The following TEN1 variants were observed in gnomAD, a reference collection of about 807,000 sequenced individuals.
TEN1 encodes TEN1 subunit of CST complex.
TEN1 carries 6 observed loss-of-function variants against 9.3 expected under a neutral mutation model. The observed-to-expected ratio is 0.65, with a 90% confidence interval of 0.35 to 1.27. The LOEUF (loss-of-function observed/expected upper bound fraction) is 1.27. Among genes scored for constraint, TEN1 ranks in the 50% most tolerant of loss-of-function variants. The probability of loss-of-function intolerance (pLI) is 0.03; values close to 1 mark genes in which losing one functional copy is unlikely to be tolerated. For synonymous variants in TEN1, 65 were observed against 65.6 expected (o/e 0.99, Z 0.04); for missense variants, 149 against 158.2 (o/e 0.94, Z 0.31).
At chr17:75,984,889 CAG>C (rs978021794) in intron 1 of TEN1, 1 of 152,236 alleles carries the variant, frequency 6.6e-6, no homozygotes, top group Non-Finnish European at 1.5e-5. Context: ...TGCTGACAAA[CAG>C]AACAGTTCTT....
At chr17:75,981,899 T>C (rs2066123209) in intron 1 of TEN1, among the ~76,000 whole-genome samples, 2 of 152,242 alleles carry the variant, frequency 1.3e-5, no homozygotes, top group Middle Eastern at 3.4e-3. Context: ...AGGTGCCATG[T>C]GCCTGTAGTC....
chr17:75,990,870 T>A (rs1483040062), intron 2 of TEN1, among the ~76,000 whole-genome samples: 2 of 148,360 alleles, frequency 1.3e-5, no homozygotes, highest in South Asian at 2.1e-4. Context: ...AAAAAAATGA[T>A]CAGGTGTGGT....
intron 1 of TEN1, 160 bp from the exon 2 acceptor site, chr17:75,986,027 T>G: frequency 1.9e-6 from 1 of 520,908 alleles, no homozygotes; most frequent in Non-Finnish European, 3.4e-6. Flanking sequence ...CTCCTAATGC[T>G]ATCCCTCCCC....
At chr17:75,987,610 A>C (rs2066159446) in intron 2 of TEN1, among the ~76,000 whole-genome samples, 1 of 152,152 alleles carries the variant, frequency 6.6e-6, no homozygotes, top group East Asian at 1.9e-4. Context: ...ACACGTGTAC[A>C]TACATATAGA....
chr17:75,995,044 A>G (rs919599302), intron 3 of TEN1, among the ~76,000 whole-genome samples: 1 of 152,132 alleles, frequency 6.6e-6, no homozygotes, highest in African/African-American at 2.4e-5. Context: ...CAACATAGTG[A>G]GACCCCATCT....
In TEN1 at chr17:76,000,177, G is replaced by T. The variant is rs1286634889; in HGVS notation, c.287G>T (p.Cys96Phe). The T allele has an allele frequency of 6.4e-7, 1 of 1,551,568 alleles. No homozygotes were observed. The highest frequency in any genetic ancestry group is 1.2e-5 in the South Asian group (1 of 84,064). ...GTGGTGAAGGCGCGCGTGCTGACCT[G>T]TGTGGAGGGGATGAACCTGCCCTTG... is the stretch of plus-strand genomic sequence containing the variant. ...GSVVKARVLTCVEGMNLPLLE... is the reference protein window; with the variant it reads ...GSVVKARVLTFVEGMNLPLLE... Residue 96 changes from cysteine (C) to phenylalanine (F), a missense_variant, in exon 4 of 4, where the codon TGT becomes TTT. Physicochemically the swap from Cys to Phe is radical, Grantham distance 205 (BLOSUM62 -2). Transcript: ENST00000397640. This position sits in a 1 kb window ranked among gnomAD's most constrained non-coding sequence, Gnocchi z 5.9.
chr17:75,981,426 A>G (rs939526877), intron 1 of TEN1, among the ~76,000 whole-genome samples: 3 of 151,942 alleles, frequency 2.0e-5, no homozygotes, highest in Non-Finnish European at 4.4e-5. Flanking sequence ...GCCTCATGTG[A>G]TCCGCTCGCC....
chr17:75,986,415 T>A, intron 2 of TEN1, 131 bp downstream of exon 2: 19 of 879,808 alleles, frequency 2.2e-5, no homozygotes, highest in Non-Finnish European at 2.6e-5. Flanking sequence ...AAAAAAAAAA[T>A]TAGTTGCCGG....
At chr17:75,986,928 A>G (rs1385551661) in intron 2 of TEN1, among the ~76,000 whole-genome samples, 1 of 152,080 alleles carries the variant, frequency 6.6e-6, no homozygotes, top group Admixed American at 6.6e-5. Flanking sequence ...ACGTATATAC[A>G]TATATACTCT....
intron 3 of TEN1, among the ~76,000 whole-genome samples, chr17:75,996,208 G>A (rs1309395638): frequency 1.3e-5 from 2 of 152,080 alleles, no homozygotes; most frequent in African/African-American, 4.8e-5. Context: ...CTGGACGGCC[G>A]GGTGTGGTGG....
At position 75,993,260 on chromosome 17, in the gene TEN1, C is replaced by G. The variant is rs532772184; in HGVS notation, c.250+1637C>G. Among the ~76,000 whole-genome samples, 22 of 151,950 alleles carry G rather than the reference C, an allele frequency of 1.4e-4. 1 individual carries two copies. The highest frequency in any genetic ancestry group is 4.2e-4 in the South Asian group (2 of 4,806). On this transcript the variant is annotated intron_variant, in intron 3 of 3. Coordinates refer to ENST00000397640, the MANE Select transcript of TEN1 (RefSeq NM_001113324.3). Reference sequence around the variant, plus strand: ...CTGGGACTACAGGCATGCGCCACCACGCCTGGCTAATTTTTGTATTTTTAG... The same window carrying G: ...CTGGGACTACAGGCATGCGCCACCAGGCCTGGCTAATTTTTGTATTTTTAG...
At position 75,989,943 on chromosome 17, in the gene TEN1, C is replaced by T. The variant is rs563626516; in HGVS notation, c.93-1523C>T. Among the ~76,000 whole-genome samples the T allele has an allele frequency of 2.0e-5, 3 of 151,122 alleles. No homozygotes were observed. In the South Asian group the frequency reaches 6.3e-4, roughly 32 times the overall value. ...AAAAAAAATTATAGAGACGGCATCT[C>T]GCTGTATTGCCCAGGCTGGTCTCTA... is the stretch of plus-strand genomic sequence containing the variant. On this transcript the variant is annotated intron_variant, in intron 2 of 3. Transcript: ENST00000397640.
chr17:75,979,844 G>A lies in TEN1; in HGVS notation c.-7+333G>A, dbSNP rs529448896. Among the ~76,000 whole-genome samples the A allele has an allele frequency of 9.9e-5, 15 of 151,664 alleles. No homozygotes were observed. In the South Asian group the frequency reaches 3.2e-3, roughly 32 times the overall value. The stretch of plus-strand genomic sequence containing the variant: ...AGAGGCGTGGGTTCCGGGGCCCTGG[G>A]TGTGGGATTGTGAGCGCTGTTCAAG... On this transcript the variant is annotated intron_variant, in intron 1 of 3. Transcript: ENST00000397640.
At chr17:75,988,892 T>C (rs1466543595) in intron 2 of TEN1, among the ~76,000 whole-genome samples, 1 of 151,846 alleles carries the variant, frequency 6.6e-6, no homozygotes, top group Non-Finnish European at 1.5e-5. Flanking sequence ...TGCCTCAGCC[T>C]CCCGAGTAGC....
rs2066244448 is a variant in TEN1 at position 76,000,045 on chromosome 17, G to C, written c.251-96G>C. 2 of 1,490,464 alleles carry C rather than the reference G, an allele frequency of 1.3e-6. No homozygotes were observed. The highest frequency in any genetic ancestry group is 5.0e-5 in the East Asian group (2 of 40,114). 92.3% of individuals were successfully genotyped at this position (1,490,464 alleles called of 1,614,324 possible). A position where few individuals can be genotyped will look rare whatever the true frequency, so the allele number is the denominator to read the frequency against. ...CCACATCACTTGCTGCCAAAACCCA[G>C]GACTGAGCTGTGGAGGGAACAGCTG... On this transcript the variant is annotated intron_variant, in intron 3 of 3. Transcript: ENST00000397640. This position sits in a 1 kb window ranked among gnomAD's most constrained non-coding sequence, Gnocchi z 5.9.
At chr17:75,988,590 AAAG>A (rs905524075) in intron 2 of TEN1, among the ~76,000 whole-genome samples, 51 of 151,286 alleles carry the variant, frequency 3.4e-4, no homozygotes, top group Non-Finnish European at 5.8e-4. Context: ...AAAAAAAAGA[AAAG>A]AAGAAGAAAG....
chr17:75,986,454 C>T (rs989226518), intron 2 of TEN1, among the ~76,000 whole-genome samples, 170 bp downstream of exon 2: 13 of 151,956 alleles, frequency 8.6e-5, no homozygotes, highest in African/African-American at 3.1e-4. Context: ...GTAATCGCAG[C>T]ACTTTGGGAG....
chr17:75,996,720 A>AG (rs1193586802), intron 3 of TEN1, among the ~76,000 whole-genome samples: 20 of 124,602 alleles, frequency 1.6e-4, no homozygotes, highest in African/African-American at 3.5e-4. Context: ...AAAAAAAAAA[A>AG]AAAGAGAGAG....
chr17:75,982,899 C>T (rs1181806581), intron 1 of TEN1, among the ~76,000 whole-genome samples: 5 of 148,178 alleles, frequency 3.4e-5, no homozygotes, highest in African/African-American at 1.2e-4. Context: ...TTAGTAGAGA[C>T]GGGGTGTCAC....
Sources: allele counts gnomAD v4.1 joint callset (sites outside exome capture counted in the v4.1 genomes callset), GRCh38; gene constraint gnomAD v4.1.1; non-coding constraint Gnocchi (gnomAD v3.1); transcripts MANE v1.5; gene names NCBI Gene and HGNC (gene_info 2026-07-23, HGNC 2026-07-21).